EYS: variants seen among roughly 807,000 people sequenced by gnomAD.
The protein encoded by EYS is protein eyes shut homolog.
Under a neutral mutation model 282.1 loss-of-function variants are expected in EYS, and 250 were observed. The observed-to-expected ratio is 0.89, with a 90% CI of 0.80 to 0.98. The LOEUF (loss-of-function observed/expected upper bound fraction) is 0.98. Ranked by LOEUF, EYS falls within the 50% of genes least tolerant of loss-of-function variation. The pLI is 0.00. For missense variants in EYS, 4,016 were observed against 3,709.0 expected, an observed-to-expected ratio of 1.08 and a Z score of -2.15; for synonymous variants, 1,355 against 1,282.9, an observed-to-expected ratio of 1.06 and a Z score of -1.20.
At chr6:64,030,828 C>A (rs1203377395) in intron 33 of EYS, among the ~76,000 whole-genome samples, 1 of 152,190 alleles carries the variant, frequency 6.6e-6, no homozygotes, top group African/African-American at 2.4e-5. Flanking sequence ...TACTGAGGAC[C>A]CCTGGACCAA....
At chr6:65,100,499 T>C (rs748463874) in intron 12 of EYS, among the ~76,000 whole-genome samples, 6 of 149,642 alleles carry the variant, frequency 4.0e-5, no homozygotes, top group Non-Finnish European at 9.0e-5. Flanking sequence ...TCAAATAATA[T>C]GATTTCAATG....
At chr6:65,095,143 GAGAT>G (rs1774702188) in intron 12 of EYS, among the ~76,000 whole-genome samples, 1 of 151,136 alleles carries the variant, frequency 6.6e-6, no homozygotes, top group Admixed American at 6.6e-5. Flanking sequence ...CGTGAAAAAA[GAGAT>G]AGCCTGATTA....
rs548254312 is a variant in EYS at position 64,807,932 on chromosome 6, C to A, written c.3443+5446G>T. Among the ~76,000 whole-genome samples, 20 of 151,930 alleles carry A rather than the reference C, an allele frequency of 1.3e-4. No individual in the cohort carries two copies. The East Asian group carries it at 2.7e-3, about 21-fold the overall frequency. On this transcript the variant is annotated intron_variant, in intron 22 of 42. Coordinates refer to ENST00000503581, the MANE Select transcript of EYS (RefSeq NM_001142800.2). ...GTCAGTGGTTCATTCATTTTACTAT[C>A]CAGAGTCACATTCCAAACAGGCTTA... is the stretch of plus-strand genomic sequence containing the variant.
chr6:65,474,425 G>A (rs1421439105), intron 5 of EYS, among the ~76,000 whole-genome samples: 2 of 152,058 alleles, frequency 1.3e-5, no homozygotes, highest in African/African-American at 2.4e-5. Context: ...TCCTAAATGA[G>A]CTTCTATAAA....
chr6:65,393,329 A>T (rs1366705649), intron 7 of EYS, among the ~76,000 whole-genome samples: 1 of 152,164 alleles, frequency 6.6e-6, no homozygotes, highest in Non-Finnish European at 1.5e-5. Flanking sequence ...TAATTTAAAA[A>T]AATTAGCCTT....
chr6:64,335,740 C>A (rs912407039), intron 29 of EYS, among the ~76,000 whole-genome samples: 1 of 152,038 alleles, frequency 6.6e-6, no homozygotes, highest in Non-Finnish European at 1.5e-5. Flanking sequence ...CACCAGGTGA[C>A]CTATAAAGGA....
intron 22 of EYS, among the ~76,000 whole-genome samples, chr6:64,670,016 G>A (rs1451690540): frequency 6.6e-6 from 1 of 151,948 alleles, no homozygotes; most frequent in Non-Finnish European, 1.5e-5. Flanking sequence ...ACTCTTATAA[G>A]CTTTACAACC....
In EYS at chr6:65,395,294, C is replaced by T. The variant is rs562856446; in HGVS notation, c.1184+7184G>A. 2.0e-5 allele frequency among the ~76,000 whole-genome samples: 3 copies of T among 152,284 alleles called. No homozygotes were observed. The East Asian group carries it at 5.8e-4, about 29-fold the overall frequency. ...GTCAAGCTGGTCTTGAACTCCCAAC[C>T]TCAGGTGATCCTCCCGTCTCAGCCT... On this transcript the variant is annotated intron_variant, in intron 7 of 42. Transcript: ENST00000503581.
chr6:64,226,643 T>A (rs996222133), intron 31 of EYS, among the ~76,000 whole-genome samples: 9 of 152,074 alleles, frequency 5.9e-5, no homozygotes, highest in African/African-American at 2.2e-4. Flanking sequence ...AGATGTAGGA[T>A]CATTATGATA....
At chr6:64,250,904 CATTAA>C (rs1484535728) in intron 30 of EYS, among the ~76,000 whole-genome samples, 2 of 152,072 alleles carry the variant, frequency 1.3e-5, no homozygotes, top group African/African-American at 2.4e-5. Flanking sequence ...TAAAAAAGAA[CATTAA>C]ATTATTTGTA....
At chr6:64,096,426 A>C (rs972433565) in intron 31 of EYS, among the ~76,000 whole-genome samples, 1 of 152,098 alleles carries the variant, frequency 6.6e-6, no homozygotes, top group African/African-American at 2.4e-5. Flanking sequence ...ATAGTCCCAT[A>C]TTTCTTAGAG....
chr6:63,874,326 A>T (rs918007940), intron 35 of EYS, among the ~76,000 whole-genome samples: 1 of 152,100 alleles, frequency 6.6e-6, no homozygotes, highest in Non-Finnish European at 1.5e-5. Context: ...ATTATTTCTG[A>T]GGGCTCTGTT....
intron 12 of EYS, among the ~76,000 whole-genome samples, chr6:65,090,953 G>T (rs1421397236): frequency 1.3e-5 from 2 of 151,860 alleles, no homozygotes; most frequent in Non-Finnish European, 2.9e-5. Flanking sequence ...ACATTTATTT[G>T]TTATTAATAA....
chr6:64,659,726 A>T (rs1348082944), intron 22 of EYS, among the ~76,000 whole-genome samples: 1 of 152,174 alleles, frequency 6.6e-6, no homozygotes, highest in Non-Finnish European at 1.5e-5. Context: ...ACAGGCTCTG[A>T]AATTGAGGCA....
At chr6:65,158,828 A>C (rs12210156) in intron 12 of EYS, among the ~76,000 whole-genome samples, 6,352 of 150,978 alleles carry the variant, frequency 0.042, 190 homozygotes, top group Middle Eastern at 0.065. Context: ...CCCATAGATA[A>C]TGCAACACTT....
At chr6:65,507,267 T>C (rs889644481) in intron 2 of EYS, among the ~76,000 whole-genome samples, 4 of 152,140 alleles carry the variant, frequency 2.6e-5, no homozygotes, top group African/African-American at 9.6e-5. Flanking sequence ...GTATAGTTTC[T>C]GATAAGAGGT....
At chr6:63,969,469 A>G (rs372201618) in intron 35 of EYS, among the ~76,000 whole-genome samples, 10 of 152,336 alleles carry the variant, frequency 6.6e-5, no homozygotes, top group African/African-American at 2.4e-4. Context: ...ATTTCTGTAG[A>G]TTAGTTTAAA....
rs554771649 is a variant in EYS, at chr6:63,825,197, C to T, written c.7229-18825G>A. Among the ~76,000 whole-genome samples, 20 of 152,278 alleles carry T rather than the reference C, an allele frequency of 1.3e-4. 2 individuals are homozygous for T. The South Asian group carries it at 3.7e-3, about 28-fold the overall frequency. On this transcript the variant is annotated intron_variant, in intron 36 of 42. Coordinates refer to ENST00000503581, the MANE Select transcript of EYS (RefSeq NM_001142800.2). ...AGCCACAATCCTCCTAGGTACACAACTCCAGTGACCTGGGAACCTGTCCCC... is the reference window on the plus strand; with the variant it reads ...AGCCACAATCCTCCTAGGTACACAATTCCAGTGACCTGGGAACCTGTCCCC...
intron 37 of EYS, among the ~76,000 whole-genome samples, chr6:63,794,981 G>T (rs773733860): frequency 6.6e-6 from 1 of 152,178 alleles, no homozygotes; most frequent in Admixed American, 6.6e-5. Context: ...GTAAAAAGAG[G>T]AGGAAGGAAA....
Sources: gnomAD v4.1 joint callset for allele counts (sites outside exome capture counted in the v4.1 genomes callset) on GRCh38, gnomAD v4.1.1 for gene constraint, MANE v1.5 for transcripts, NCBI Gene and HGNC (gene_info 2026-07-23, HGNC 2026-07-21) for gene names.